SYNE1: variants seen among roughly 807,000 people sequenced by gnomAD.
SYNE1 encodes the protein spectrin repeat containing nuclear envelope protein 1.
In SYNE1, 616 loss-of-function variants were observed where a neutral mutation model predicts 1,111.0. The ratio of observed to expected loss-of-function variants is 0.55; its 90% confidence interval spans 0.52 to 0.59. The LOEUF (loss-of-function observed/expected upper bound fraction) is 0.59, where lower values mean the gene tolerates loss of function less well. SYNE1 is among the 20% of genes least tolerant of loss of function. The pLI is 0.00. For synonymous variants in SYNE1, 3,855 were observed against 3,825.8 expected, an observed-to-expected ratio of 1.01 and a Z score of -0.28; for missense variants, 10,006 against 10,417.0, an observed-to-expected ratio of 0.96 and a Z score of 1.72.
intron 3 of SYNE1, among the ~76,000 whole-genome samples, chr6:152,608,310 C>T (rs2099621910): frequency 6.6e-6 from 1 of 152,076 alleles, no homozygotes; most frequent in African/African-American, 2.4e-5. Context: ...GACTATTCAC[C>T]TCATTTTGCA....
chr6:152,303,168 T>G (rs1038919082), intron 91 of SYNE1, among the ~76,000 whole-genome samples: 8 of 150,340 alleles, frequency 5.3e-5, no homozygotes, highest in African/African-American at 2.0e-4. Flanking sequence ...GAACACATTT[T>G]GTGGGCCGGG....
intron 104 of SYNE1, among the ~76,000 whole-genome samples, chr6:152,253,817 GGTTTTTTTTTTTTTTTTTTTTTTTT>G (rs1210377559): frequency 0.032 from 1,870 of 59,172 alleles, 103 homozygotes; most frequent in Non-Finnish European, 0.037. Context: ...GTAGTGGTTT[GGTTTTTTTTTTTTTTTTTTTTTTTT>G]TTTTTTTTTT....
At chr6:152,479,353 G>A (rs1021787679) in intron 14 of SYNE1, among the ~76,000 whole-genome samples, 1 of 152,206 alleles carries the variant, frequency 6.6e-6, no homozygotes, top group African/African-American at 2.4e-5. Flanking sequence ...ATAAGGATGT[G>A]TAGCAGGTGG....
rs3076635 is a variant in SYNE1 at position 152,489,457 on chromosome 6, C to CTTTTTTT, written c.940-961_940-955dup. The stretch of plus-strand genomic sequence containing the variant: ...CATTAGCTCTGTGAGCTTGGTGTGT[C>CTTTTTTT]TTTTTTTTTTTTTTTTTTCGTTAAC... On this transcript the variant is annotated intron_variant, in intron 11 of 145. Coordinates refer to ENST00000367255, the MANE Select transcript of SYNE1 (RefSeq NM_182961.4). Among the ~76,000 whole-genome samples the CTTTTTTT allele has an allele frequency of 4.5e-4, 51 of 112,258 alleles. 1 individual carries two copies. The highest frequency in any genetic ancestry group is 1.6e-3 in the East Asian group (6 of 3,688). The allele number at this position is 112,258 out of a possible 152,430, so 73.6% of individuals were successfully genotyped here.
Position 152,218,291 on chromosome 6 carries a change from A to C in SYNE1, c.22157T>G (p.Leu7386Arg). The change falls in exon 121 of 146, where the codon CTC becomes CGC. Residue 7386 changes from leucine to arginine, a missense_variant. By Grantham distance (102) the Leu-to-Arg change is moderately radical. Transcript: ENST00000367255. ...QGQDPSHSSD[L>R]STIQERMEEL... ...TTCCATCCTTTCCTGGATTGTGGAGAGGTCAGATGAGTGGCTAGGGTCCTG... is the reference window on the plus strand; with the variant it reads ...TTCCATCCTTTCCTGGATTGTGGAGCGGTCAGATGAGTGGCTAGGGTCCTG... 1 of 1,614,026 alleles carries C rather than the reference A, an allele frequency of 6.2e-7. No homozygotes were observed. The highest frequency in any genetic ancestry group is 1.1e-5 in the South Asian group (1 of 91,070).
At chr6:152,517,795 G>A (rs1241916950) in intron 6 of SYNE1, among the ~76,000 whole-genome samples, 1 of 152,054 alleles carries the variant, frequency 6.6e-6, no homozygotes, top group Non-Finnish European at 1.5e-5. Flanking sequence ...CTTATTTGTG[G>A]AAAAAATGCA....
chr6:152,390,597 T>G, intron 52 of SYNE1, 145 bp from the exon 53 acceptor site: 2 of 760,968 alleles, frequency 2.6e-6, no homozygotes, highest in Non-Finnish European at 4.2e-6. Flanking sequence ...CCTATTGCAA[T>G]ATAATATTGA....
chr6:152,180,329 A>T, intron 128 of SYNE1, 35 bp from the exon 129 acceptor site: 1 of 1,608,474 alleles, frequency 6.2e-7, no homozygotes, highest in South Asian at 1.1e-5. Flanking sequence ...AGGCAAAATG[A>T]TTATCAGAGA....
chr6:152,232,078 GA>G, intron 113 of SYNE1, 37 bp downstream of exon 113: 1 of 1,449,064 alleles, frequency 6.9e-7, no homozygotes, highest in South Asian at 1.2e-5. Flanking sequence ...AAAATGGTCT[GA>G]AAATATGAAA....
chr6:152,620,764 T>A (rs995443230), intron 3 of SYNE1, among the ~76,000 whole-genome samples: 1 of 152,156 alleles, frequency 6.6e-6, no homozygotes, highest in Non-Finnish European at 1.5e-5. Flanking sequence ...TGAAAATAAA[T>A]ATAATATTAA....
Position 152,484,860 on chromosome 6 carries a change from T to C in SYNE1, c.1160A>G (p.Gln387Arg). The C allele has an allele frequency of 5.0e-6, 8 of 1,614,022 alleles. No homozygotes were observed. Among genetic ancestry groups the C allele is most frequent in the South Asian group, 1.1e-5 (1 of 91,080 alleles). ...CCTGGAGGTCACTCTATCCCAAGAT[T>C]GTTTTACCAATGCTTGGTCAAGTGA... is the stretch of plus-strand genomic sequence containing the variant. The part of the protein sequence containing the change: ...KLSLDQALVK[Q>R]SWDRVTSRLF... Residue 387 changes from glutamine to arginine, a missense_variant, in exon 13 of 146, where the codon CAA becomes CGA. Transcript: ENST00000367255.
In SYNE1 at chr6:152,604,952, GA is replaced by G. The variant is rs1301813981; in HGVS notation, c.67+23312del. Reference sequence around the variant, plus strand: ...AGTGAGACCCTATCTCACAAAGAAAGAAAGAAAGAAAGAAAGAAAGAAAGAA... The same window carrying G: ...AGTGAGACCCTATCTCACAAAGAAAGAAGAAAGAAAGAAAGAAAGAAAGAA... On this transcript the variant is annotated intron_variant, in intron 3 of 145. Coordinates refer to ENST00000367255, the MANE Select transcript of SYNE1 (RefSeq NM_182961.4). Among the ~76,000 whole-genome samples, 4 of 14,808 alleles carry G rather than the reference GA, an allele frequency of 2.7e-4. 1 individual carries two copies. Among genetic ancestry groups the G allele is most frequent in the African/African-American group, 9.7e-4 (4 of 4,130 alleles). The allele number at this position is 14,808 out of a possible 152,430, so 9.7% of individuals were successfully genotyped here.
chr6:152,565,055 C>T (rs1232616047), intron 3 of SYNE1, among the ~76,000 whole-genome samples: 1 of 152,148 alleles, frequency 6.6e-6, no homozygotes, highest in Non-Finnish European at 1.5e-5. Flanking sequence ...CAATTAACTT[C>T]TCTTAAGGGA....
chr6:152,373,366 G>A (rs186357610), intron 58 of SYNE1, 147 bp from the exon 59 acceptor site: 15 of 716,076 alleles, frequency 2.1e-5, no homozygotes, highest in South Asian at 3.9e-5. Flanking sequence ...TGCAGCCTCC[G>A]TCTTCTGCGT....
intron 3 of SYNE1, among the ~76,000 whole-genome samples, chr6:152,577,029 A>T (rs2099499371): frequency 6.6e-6 from 1 of 152,202 alleles, no homozygotes; most frequent in Non-Finnish European, 1.5e-5. Context: ...TTCATATGTT[A>T]AGAAGGCATT....
chr6:152,359,310 C>A lies in SYNE1; in HGVS notation c.10443+5G>T. The A allele has an allele frequency of 6.2e-6, 10 of 1,613,722 alleles. No individual in the cohort carries two copies. The highest frequency in any genetic ancestry group is 7.6e-6 in the Non-Finnish European group (9 of 1,179,946). On this transcript the variant is annotated splice_donor_5th_base_variant and intron_variant, in intron 65 of 145. Transcript: ENST00000367255. ...TGAGTCTACAAGGAAAGTGCTTTGC[C>A]GTACCTTGGCCCTCTCTTGGATGGC...
intron 35 of SYNE1, 63 bp downstream of exon 35, chr6:152,430,419 T>C (rs763742866): frequency 6.4e-6 from 9 of 1,415,978 alleles, no homozygotes; most frequent in East Asian, 2.3e-5. Flanking sequence ...AAGTATTTAT[T>C]GCACTTACCC....
At chr6:152,248,462 CT>C (rs35014681) in intron 105 of SYNE1, among the ~76,000 whole-genome samples, 6,491 of 148,792 alleles carry the variant, frequency 0.044, 195 homozygotes, top group Non-Finnish European at 0.067. Context: ...TATTTATTTC[CT>C]TTTTTTTTTA....
intron 121 of SYNE1, among the ~76,000 whole-genome samples, chr6:152,216,979 C>T (rs942833055): frequency 2.7e-5 from 4 of 150,436 alleles, no homozygotes; most frequent in East Asian, 2.0e-4. Context: ...AGGAGAATTG[C>T]TTGAAACTGG....
Sources: allele counts gnomAD v4.1 joint callset (sites outside exome capture counted in the v4.1 genomes callset), GRCh38; gene constraint gnomAD v4.1.1; transcripts MANE v1.5; gene names NCBI Gene and HGNC (gene_info 2026-07-23, HGNC 2026-07-21).